Variants in GFRA1 observed in about 807,000 individuals in gnomAD.
The protein encoded by GFRA1 is GDNF family receptor alpha 1, also known as GDNF family receptor alpha-1.
A neutral mutation model predicts 51.6 loss-of-function variants in GFRA1; 16 were observed. That is an observed-to-expected ratio of 0.31 (90% CI 0.21 to 0.47). The LOEUF (loss-of-function observed/expected upper bound fraction) is 0.47, where lower values mean the gene tolerates loss of function less well. Ranked by LOEUF, GFRA1 falls within the 20% of genes least tolerant of loss-of-function variation. GFRA1 has a pLI of 1.00. For missense variants in GFRA1, 530 were observed against 594.3 expected (o/e 0.89, Z 1.13); for synonymous variants, 270 against 241.3 (o/e 1.12, Z -1.10).
intron 6 of GFRA1, among the ~76,000 whole-genome samples, chr10:116,108,238 A>G (rs2530333): frequency 0.18 from 27,297 of 152,162 alleles, 2,480 homozygotes; most frequent in Middle Eastern, 0.23. Context: ...TTCTTTCAGG[A>G]AAGTTGTAGT....
chr10:116,230,044 A>G (rs1458948693), intron 4 of GFRA1, among the ~76,000 whole-genome samples: 2 of 151,836 alleles, frequency 1.3e-5, no homozygotes, highest in African/African-American at 4.8e-5. Flanking sequence ...ACCCTTTTCT[A>G]TTTTACCATA....
chr10:116,268,500 G>A (rs1175248676), intron 4 of GFRA1, among the ~76,000 whole-genome samples: 1 of 152,154 alleles, frequency 6.6e-6, no homozygotes, highest in Non-Finnish European at 1.5e-5. Flanking sequence ...TGGATGTTTG[G>A]TGAATGGATG....
chr10:116,190,235 T>A (rs142712380), intron 5 of GFRA1, among the ~76,000 whole-genome samples: 24 of 152,322 alleles, frequency 1.6e-4, no homozygotes, highest in Non-Finnish European at 2.8e-4. Context: ...ACCTTTCAAG[T>A]GCTTGGTGCT....
rs1332511443 is a variant in GFRA1 at position 116,063,337 on chromosome 10, CCA to C, written c.*1059_*1060del. 1 of 152,260 alleles carries C rather than the reference CCA, an allele frequency of 6.6e-6. No individual in the cohort carries two copies. Among genetic ancestry groups the C allele is most frequent in the Non-Finnish European group, 1.5e-5 (1 of 68,058 alleles). The allele number at this position is 152,260 out of a possible 1,614,324, so 9.4% of individuals were successfully genotyped here. On this transcript the variant is annotated 3_prime_UTR_variant, in exon 11 of 11. Coordinates refer to ENST00000355422, the MANE Select transcript of GFRA1 (RefSeq NM_005264.8). ...GTCTGTTCTGTTTCCTCCTGCCTGT[CCA>C]CAGTCACATGATGCAGAACTTTCTG...
intron 5 of GFRA1, among the ~76,000 whole-genome samples, chr10:116,153,465 T>A (rs1293244535): frequency 6.6e-6 from 1 of 152,190 alleles, no homozygotes; most frequent in African/African-American, 2.4e-5. Context: ...GTCAACTACA[T>A]CCCACTTAAA....
Position 116,057,990 on chromosome 10 carries a change from T to TTGTGTGTGTGTGTGTGTGTGTGTG in GFRA1, c.*6384_*6407dup. 1 of 129,028 alleles carries TTGTGTGTGTGTGTGTGTGTGTGTG rather than the reference T, an allele frequency of 7.8e-6. No individual in the cohort carries two copies. The highest frequency in any genetic ancestry group is 2.9e-5 in the African/African-American group (1 of 34,022). 8.0% of individuals were successfully genotyped at this position (129,028 alleles called of 1,614,324 possible). On this transcript the variant is annotated 3_prime_UTR_variant, in exon 11 of 11. Coordinates refer to ENST00000355422, the MANE Select transcript of GFRA1 (RefSeq NM_005264.8). ...GCTGGATCATATAGCCCTCCAATCA[T>TTGTGTGTGTGTGTGTGTGTGTGTG]TGTGTGTGTGTGTGTGTGTGTGTGT...
chr10:116,269,920 G>A (rs1843766020), intron 3 of GFRA1, among the ~76,000 whole-genome samples: 1 of 152,056 alleles, frequency 6.6e-6, no homozygotes, highest in Non-Finnish European at 1.5e-5. Context: ...GGAGCCAATG[G>A]AAGAAAGGTG....
chr10:116,193,582 T>C (rs1416416505), intron 5 of GFRA1, among the ~76,000 whole-genome samples: 3 of 152,180 alleles, frequency 2.0e-5, no homozygotes, highest in African/African-American at 2.4e-5. Context: ...CAAATCCTGC[T>C]TTTGTTGGGG....
chr10:116,197,025 C>A (rs186941397), intron 5 of GFRA1, among the ~76,000 whole-genome samples: 5 of 151,366 alleles, frequency 3.3e-5, no homozygotes, highest in Non-Finnish European at 7.4e-5. Flanking sequence ...CTCTCCATGT[C>A]CTCTCCTCTT....
chr10:116,260,155 C>A (rs1002216159), intron 4 of GFRA1, among the ~76,000 whole-genome samples: 12 of 152,168 alleles, frequency 7.9e-5, no homozygotes, highest in Non-Finnish European at 1.6e-4. Context: ...ATGGGGCGGA[C>A]CCTTGGCTAA....
intron 9 of GFRA1, among the ~76,000 whole-genome samples, chr10:116,085,459 A>G (rs1956056873): frequency 6.6e-6 from 1 of 152,192 alleles, no homozygotes; most frequent in Non-Finnish European, 1.5e-5. Context: ...AGTCAGTTCT[A>G]TTCTGAGTCA....
chr10:116,179,780 C>G (rs1962027536), intron 5 of GFRA1, among the ~76,000 whole-genome samples: 1 of 152,130 alleles, frequency 6.6e-6, no homozygotes. Context: ...GTGAACTGTC[C>G]CATTCTTGAA....
At chr10:116,155,967 G>C (rs371507647) in intron 5 of GFRA1, among the ~76,000 whole-genome samples, 1 of 152,172 alleles carries the variant, frequency 6.6e-6, no homozygotes, top group Non-Finnish European at 1.5e-5. Context: ...AGAAGGCCAC[G>C]ATCAGCCCCG....
At chr10:116,144,387 T>C (rs1336345852) in intron 5 of GFRA1, among the ~76,000 whole-genome samples, 1 of 152,122 alleles carries the variant, frequency 6.6e-6, no homozygotes, top group East Asian at 1.9e-4. Flanking sequence ...TCAAATTCAA[T>C]TCAAGCTAGT....
At chr10:116,271,633 TG>T (rs1843947367) in intron 2 of GFRA1, among the ~76,000 whole-genome samples, 1 of 152,134 alleles carries the variant, frequency 6.6e-6, no homozygotes. Flanking sequence ...CTTCCAAGTT[TG>T]CTCTCCCGGC....
At chr10:116,147,281 CT>C (rs1958844528) in intron 5 of GFRA1, among the ~76,000 whole-genome samples, 1 of 152,130 alleles carries the variant, frequency 6.6e-6, no homozygotes, top group African/African-American at 2.4e-5. Flanking sequence ...GCAGAAATAG[CT>C]TTGAGAGAGC....
chr10:116,191,801 C>A (rs892977089), intron 5 of GFRA1, among the ~76,000 whole-genome samples: 1 of 152,028 alleles, frequency 6.6e-6, no homozygotes, highest in East Asian at 1.9e-4. Context: ...CCAAGGCAGG[C>A]GGATCACCTG....
intron 4 of GFRA1, among the ~76,000 whole-genome samples, chr10:116,235,690 C>G (rs191695101): frequency 5.3e-5 from 8 of 152,150 alleles, no homozygotes; most frequent in African/African-American, 1.9e-4. Context: ...GAAGCCCTAA[C>G]CCCAATGTGA....
chr10:116,156,683 T>C (rs902268699), intron 5 of GFRA1, among the ~76,000 whole-genome samples: 5 of 152,336 alleles, frequency 3.3e-5, no homozygotes, highest in South Asian at 4.1e-4. Flanking sequence ...ATATAAATCA[T>C]GTTAACCATC....
Sources: allele counts gnomAD v4.1 joint callset (sites outside exome capture counted in the v4.1 genomes callset), GRCh38; gene constraint gnomAD v4.1.1; transcripts MANE v1.5; gene names NCBI Gene and HGNC (gene_info 2026-07-23, HGNC 2026-07-21).